The following NBN variants were observed in gnomAD, a reference collection of about 807,000 sequenced individuals.
NBN encodes Nijmegen breakage syndrome 1 (nibrin).
Under a neutral mutation model 90.8 loss-of-function variants are expected in NBN, and 88 were observed. That is an observed-to-expected ratio of 0.97 (90% CI 0.82 to 1.16). The LOEUF (loss-of-function observed/expected upper bound fraction) is 1.16, where lower values mean the gene tolerates loss of function less well. Among genes scored for constraint, NBN ranks in the 50% most tolerant of loss-of-function variants. NBN has a pLI of 0.00. For synonymous variants in NBN, 328 were observed against 295.1 expected (o/e 1.11, Z -1.14); for missense variants, 894 against 869.6 (o/e 1.03, Z -0.35).
At chr8:89,949,243 C>T (rs1025290649) in intron 11 of NBN, among the ~76,000 whole-genome samples, 1 of 152,234 alleles carries the variant, frequency 6.6e-6, no homozygotes, top group East Asian at 1.9e-4. Context: ...TACTTAAAAA[C>T]TCCCACTATC....
chr8:89,971,141 C>T (rs1563561230), intron 6 of NBN, 32 bp downstream of exon 6: 2 of 1,593,092 alleles, frequency 1.3e-6, no homozygotes, highest in African/African-American at 1.3e-5. Flanking sequence ...GTAATGTATT[C>T]TTTAGGAAAA....
At chr8:89,981,795 C>T (rs1027536859) in intron 2 of NBN, 1 of 500,918 alleles carries the variant, frequency 2.0e-6, no homozygotes, top group Non-Finnish European at 3.5e-6. Context: ...ACCCCTCACA[C>T]ACATTTGAGA....
At position 89,973,384 on chromosome 8, in the gene NBN, A is replaced by G. The variant is rs138087819; in HGVS notation, c.585-2094T>C. 1.4e-4 allele frequency among the ~76,000 whole-genome samples: 21 copies of G among 152,348 alleles called. No homozygotes were observed. The East Asian group carries it at 2.1e-3, about 15-fold the overall frequency. On this transcript the variant is annotated intron_variant, in intron 5 of 15. Transcript: ENST00000265433. ...TGTATTTTGGTTTTGTTTTGAGAAC[A>G]CTGATAAATTTGAGCCCCAATACTT... is the stretch of plus-strand genomic sequence containing the variant.
rs1809575787 is a variant in NBN at position 89,934,527 on chromosome 8, G to A, written c.*1055C>T. 1.3e-5 allele frequency: 3 copies of A among 233,200 alleles called. No individual in the cohort carries two copies. The South Asian group carries it at 5.4e-4, about 42-fold the overall frequency. The allele number at this position is 233,200 out of a possible 1,614,324, so 14.4% of individuals were successfully genotyped here. A position where few individuals can be genotyped will look rare whatever the true frequency, so the allele number is the denominator to read the frequency against. ...TGCACTTCCACAAGATTTGGAAGGT[G>A]AGAGTGATGTAGAGGCCAGCCTCTT... On this transcript the variant is annotated 3_prime_UTR_variant, in exon 16 of 16. Coordinates refer to ENST00000265433, the MANE Select transcript of NBN (RefSeq NM_002485.5).
chr8:89,960,026 T>A (rs1810919472), intron 8 of NBN, among the ~76,000 whole-genome samples: 1 of 152,196 alleles, frequency 6.6e-6, no homozygotes, highest in African/African-American at 2.4e-5. Context: ...GGACTAAGTC[T>A]TGTGTATTTC....
chr8:89,981,697 T>C (rs1812078088), intron 2 of NBN, 174 bp from the exon 3 acceptor site: 2 of 683,502 alleles, frequency 2.9e-6, no homozygotes, highest in East Asian at 5.6e-5. Context: ...CAATTCATAT[T>C]TCCCCTTAGG....
chr8:89,959,620 G>C (rs987572763), intron 8 of NBN, among the ~76,000 whole-genome samples: 5 of 152,122 alleles, frequency 3.3e-5, no homozygotes, highest in African/African-American at 1.2e-4. Flanking sequence ...CAGGCATGGT[G>C]GCACACACCT....
chr8:89,965,697 C>G (rs1160055303), intron 7 of NBN, among the ~76,000 whole-genome samples: 2 of 152,070 alleles, frequency 1.3e-5, no homozygotes, highest in Non-Finnish European at 2.9e-5. Flanking sequence ...ACTACGCTGG[C>G]CAGGCTGGTA....
Position 89,955,458 on chromosome 8 carries a change from T to C in NBN, c.1222A>G (p.Lys408Glu), listed in dbSNP as rs34120922. The C allele has an allele frequency of 5.0e-4, 802 of 1,613,904 alleles. 5 individuals are homozygous for C. The African/African-American group carries it at 9.0e-3, about 18-fold the overall frequency. The stretch of plus-strand genomic sequence containing the variant: ...ATACTATTATTATTAGAGCTTGTTT[T>C]GCAGGACTCCTTTACAGTGGGTGCA... Reference protein sequence around the residue: ...QDAPTVKESCKTSSNNNSMVS... With the variant: ...QDAPTVKESCETSSNNNSMVS... Residue 408 changes from lysine to glutamate, a missense_variant, in exon 10 of 16, where the codon AAA (lysine) becomes GAA (glutamate). Coordinates refer to ENST00000265433, the MANE Select transcript of NBN (RefSeq NM_002485.5).
Position 89,955,326 on chromosome 8 carries a change from T to C in NBN, c.1354A>G (p.Thr452Ala). ...SKDRASQQQQ[T>A]NSIRNYFQPS... ...TGAAAGTAGTTTCTGATGGAGTTGG[T>C]CTGCTGCTGCTGAGAAGCCCTATCT... The change falls in exon 10 of 16, where the codon ACC (threonine) becomes GCC (alanine). Residue 452 changes from threonine (T) to alanine (A), a missense_variant. Thr to Ala is a moderately conservative substitution (Grantham distance 58). Transcript: ENST00000265433. The C allele has an allele frequency of 6.2e-7, 1 of 1,613,856 alleles. No individual in the cohort carries two copies. Among genetic ancestry groups the C allele is most frequent in the Non-Finnish European group, 8.5e-7 (1 of 1,179,822 alleles).
At chr8:89,949,101 C>T (rs2129669054) in intron 11 of NBN, among the ~76,000 whole-genome samples, 1 of 152,322 alleles carries the variant, frequency 6.6e-6, no homozygotes, top group East Asian at 1.9e-4. Flanking sequence ...ATGGCAGATG[C>T]CCAATGCCTA....
chr8:89,939,257 CAG>C (rs149874356), intron 14 of NBN, among the ~76,000 whole-genome samples: 72,840 of 151,520 alleles, frequency 0.48, 20,323 homozygotes, highest in African/African-American at 0.78. Context: ...CTGCAGCAAA[CAG>C]GGAAATGAGA....
intron 9 of NBN, among the ~76,000 whole-genome samples, chr8:89,957,552 T>C (rs865933959): frequency 1.2e-4 from 19 of 152,330 alleles, no homozygotes; most frequent in Admixed American, 3.9e-4. Flanking sequence ...TGTACAGTAA[T>C]GTCCTAGGCT....
chr8:89,946,348 A>T, intron 12 of NBN, 53 bp from the exon 13 acceptor site: 1 of 1,472,010 alleles, frequency 6.8e-7, no homozygotes, highest in Non-Finnish European at 9.5e-7. Context: ...AACAAAGAAA[A>T]GTCACTTGTC....
chr8:89,959,542 C>G (rs1478404292), intron 8 of NBN, among the ~76,000 whole-genome samples: 5 of 152,118 alleles, frequency 3.3e-5, no homozygotes, highest in Non-Finnish European at 7.3e-5. Context: ...CACTTGAGCC[C>G]AGGAGTTTGA....
intron 11 of NBN, among the ~76,000 whole-genome samples, chr8:89,952,458 A>G (rs1586051306): frequency 2.0e-5 from 3 of 152,324 alleles, no homozygotes; most frequent in Admixed American, 2.0e-4. Context: ...CAGGCCAAAT[A>G]GGACATAGGT....
intron 7 of NBN, among the ~76,000 whole-genome samples, chr8:89,964,983 G>A (rs1430625835): frequency 6.6e-6 from 1 of 152,052 alleles, no homozygotes; most frequent in Non-Finnish European, 1.5e-5. Context: ...GTGTAGTGGT[G>A]CACGCTTGTA....
intron 15 of NBN, among the ~76,000 whole-genome samples, chr8:89,936,275 C>T (rs1365934329): frequency 6.6e-6 from 1 of 152,000 alleles, no homozygotes; most frequent in Non-Finnish European, 1.5e-5. Context: ...CGGGGTTTCT[C>T]CATGCTGGCC....
At chr8:89,959,886 G>T (rs1810912109) in intron 8 of NBN, among the ~76,000 whole-genome samples, 1 of 152,232 alleles carries the variant, frequency 6.6e-6, no homozygotes, top group African/African-American at 2.4e-5. Flanking sequence ...AAAGTTGTTT[G>T]GAGGGTAAAA....
Sources: allele counts gnomAD v4.1 joint callset (sites outside exome capture counted in the v4.1 genomes callset), GRCh38; gene constraint gnomAD v4.1.1; transcripts MANE v1.5; gene names NCBI Gene and HGNC (gene_info 2026-07-23, HGNC 2026-07-21).